HAVCR1: variants seen among roughly 807,000 people sequenced by gnomAD.
HAVCR1 encodes the protein T cell immunoglobin domain and mucin domain protein 1.
A neutral mutation model predicts 32.0 loss-of-function variants in HAVCR1; 34 were observed. The observed-to-expected ratio is 1.06, with a 90% confidence interval of 0.81 to 1.42. HAVCR1 has a LOEUF of 1.42. HAVCR1 is among the 40% of genes most tolerant of loss of function. HAVCR1 has a pLI of 0.00. For synonymous variants in HAVCR1, 178 were observed against 170.3 expected (o/e 1.05, Z -0.35); for missense variants, 420 against 442.3 (o/e 0.95, Z 0.45).
intron 7 of HAVCR1, among the ~76,000 whole-genome samples, chr5:157,033,374 G>A (rs1754289127): frequency 6.6e-6 from 1 of 151,974 alleles, no homozygotes; most frequent in African/African-American, 2.4e-5. Context: ...TATATTTTGA[G>A]GTTGTTAGGG....
At chr5:157,069,267 A>G in the HAVCR1 span, among the ~76,000 whole-genome samples, 1 of 152,304 alleles carries the variant, frequency 6.6e-6, no homozygotes, top group East Asian at 1.9e-4. Context: ...CTCAATCATT[A>G]TTGTCCTTAT....
chr5:157,047,019 G>T (rs1335936896), intron 5 of HAVCR1, among the ~76,000 whole-genome samples: 1 of 152,128 alleles, frequency 6.6e-6, no homozygotes, highest in African/African-American at 2.4e-5. Flanking sequence ...ATAGATAGAG[G>T]TCTGTGCATG....
chr5:157,042,548 C>T lies in HAVCR1; in HGVS notation c.837+79G>A. 12 of 839,134 alleles carry T rather than the reference C, an allele frequency of 1.4e-5. No homozygotes were observed. The South Asian group carries it at 1.9e-4, about 13-fold the overall frequency. 52.0% of individuals were successfully genotyped at this position (839,134 alleles called of 1,614,324 possible). ...AAATTCTGTGGGCTAGTCTTACAGA[C>T]ATAGTCTTTAAATGTAACTTGCTTC... On this transcript the variant is annotated intron_variant, in intron 6 of 8. Transcript: ENST00000523175.
chr5:157,056,431 G>C (rs1171941441), intron 2 of HAVCR1, among the ~76,000 whole-genome samples: 4 of 147,976 alleles, frequency 2.7e-5, no homozygotes, highest in Non-Finnish European at 5.9e-5. Flanking sequence ...CCAGGCTGGA[G>C]TGCAGTGGTG....
At chr5:157,054,192 A>C (rs1755966775) in intron 3 of HAVCR1, among the ~76,000 whole-genome samples, 1 of 146,092 alleles carries the variant, frequency 6.8e-6, no homozygotes, top group African/African-American at 2.5e-5. Flanking sequence ...CTCCATCTCA[A>C]AAAAAAAAAA....
At chr5:157,065,115 C>G in the HAVCR1 span, among the ~76,000 whole-genome samples, 26 of 152,096 alleles carry the variant, frequency 1.7e-4, 1 homozygote, top group African/African-American at 5.8e-4. Context: ...ATCACGAGAT[C>G]GAGACTGTGC....
chr5:157,059,322 G>A (rs1238808513), upstream of HAVCR1, among the ~76,000 whole-genome samples: 1 of 152,222 alleles, frequency 6.6e-6, no homozygotes, highest in Non-Finnish European at 1.5e-5. Flanking sequence ...TGCAGCTCAT[G>A]ACAGGGTTCA....
intron 5 of HAVCR1, among the ~76,000 whole-genome samples, chr5:157,048,162 A>G (rs1039439): frequency 0.51 from 78,008 of 151,888 alleles, 20,448 homozygotes; most frequent in Middle Eastern, 0.67. Flanking sequence ...AATTTGATGA[A>G]TCAGTGGAAG....
chr5:157,066,055 T>TAAAAAAAAA, the HAVCR1 span, among the ~76,000 whole-genome samples: 22 of 66,916 alleles, frequency 3.3e-4, 3 homozygotes, highest in Admixed American at 8.6e-4. Flanking sequence ...GACTCCGTCT[T>TAAAAAAAAA]AAAAAAAAAA....
At chr5:157,047,340 T>A (rs1755463897) in intron 5 of HAVCR1, among the ~76,000 whole-genome samples, 1 of 152,086 alleles carries the variant, frequency 6.6e-6, no homozygotes, top group Admixed American at 6.6e-5. Context: ...TCACCTGAGG[T>A]CAGGAGTTCA....
chr5:157,043,968 C>T (rs1356974589), intron 5 of HAVCR1, among the ~76,000 whole-genome samples: 1 of 152,166 alleles, frequency 6.6e-6, no homozygotes, highest in Non-Finnish European at 1.5e-5. Context: ...CATGAATAAA[C>T]TTGGACTAAT....
chr5:157,041,775 G>A (rs373781681), intron 6 of HAVCR1, among the ~76,000 whole-genome samples: 11 of 151,270 alleles, frequency 7.3e-5, no homozygotes, highest in East Asian at 2.0e-4. Context: ...TAGCTCATTC[G>A]GGCCCGGGCG....
chr5:157,052,712 A>G, intron 3 of HAVCR1, 58 bp from the exon 4 acceptor site: 2 of 1,424,258 alleles, frequency 1.4e-6, no homozygotes, highest in Non-Finnish European at 2.0e-6. Context: ...CAAGAGCCTC[A>G]GGCTGGAACT....
intron 8 of HAVCR1, among the ~76,000 whole-genome samples, chr5:157,032,441 C>T (rs1754232140): frequency 6.6e-6 from 1 of 152,150 alleles, no homozygotes; most frequent in Non-Finnish European, 1.5e-5. Flanking sequence ...TCGCTTGAAC[C>T]CAGGAGGTGG....
the HAVCR1 span, among the ~76,000 whole-genome samples, chr5:157,067,769 A>G: frequency 3.3e-5 from 5 of 151,858 alleles, no homozygotes; most frequent in Non-Finnish European, 7.4e-5. Context: ...GCCCACTGCA[A>G]CCTCCGCCTC....
chr5:157,066,076 A>G, the HAVCR1 span, among the ~76,000 whole-genome samples: 1 of 149,292 alleles, frequency 6.7e-6, no homozygotes, highest in Non-Finnish European at 1.5e-5. Flanking sequence ...AAAAAAAAAA[A>G]TGCTGAGGTG....
chr5:157,029,452 A>AACAT lies in HAVCR1; in HGVS notation c.*277_*280dup. 1.5e-6 allele frequency: 1 copy of AACAT among 656,118 alleles called. No individual in the cohort carries two copies. The highest frequency in any genetic ancestry group is 2.6e-6 in the Non-Finnish European group (1 of 384,154). The allele number at this position is 656,118 out of a possible 1,614,324, so 40.6% of individuals were successfully genotyped here. ...TACAGGATTTATGGGGTCTAAAAAG[A>AACAT]ACATACAATTATAAAGTGTTCATAT... On this transcript the variant is annotated 3_prime_UTR_variant, in exon 9 of 9. Transcript: ENST00000523175.
the HAVCR1 span, among the ~76,000 whole-genome samples, chr5:157,068,643 C>CT: frequency 9.2e-5 from 12 of 129,762 alleles, 1 homozygote; most frequent in South Asian, 2.9e-4. Flanking sequence ...TTTATATGGG[C>CT]TTTTTTTTTA....
chr5:157,055,442 G>A lies in HAVCR1; in HGVS notation c.138C>T (p.Cys46=), dbSNP rs778524415. ...ATAGAGAACATGAGCCTCTATTCCAGCACATGGATGTGACAGCTCCACTGT... is the reference window on the plus strand; with the variant it reads ...ATAGAGAACATGAGCCTCTATTCCAACACATGGATGTGACAGCTCCACTGT... ...CHYSGAVTSM[C]WNRGSCSLFT... is the part of the protein sequence containing the mutation. The change falls in exon 3 of 9, where the codon TGC becomes TGT. Residue 46 remains cysteine (C), a synonymous_variant. Transcript: ENST00000523175. 1.2e-6 allele frequency: 2 copies of A among 1,610,352 alleles called. No individual in the cohort carries two copies. The highest frequency in any genetic ancestry group is 4.5e-5 in the East Asian group (2 of 44,868).
Sources: allele counts gnomAD v4.1 joint callset (sites outside exome capture counted in the v4.1 genomes callset), GRCh38; gene constraint gnomAD v4.1.1; transcripts MANE v1.5; gene names NCBI Gene and HGNC (gene_info 2026-07-23, HGNC 2026-07-21).